TANC2: variants seen among roughly 807,000 people sequenced by gnomAD.
TANC2 encodes protein TANC2.
TANC2 carries 26 observed loss-of-function variants against 210.5 expected under a neutral mutation model. The observed-to-expected ratio is 0.12, with a 90% CI of 0.09 to 0.17. TANC2 has a LOEUF of 0.17. Ranked by LOEUF, TANC2 falls within the 10% of genes least tolerant of loss-of-function variation. TANC2 has a pLI of 1.00. For missense variants in TANC2, 2,129 were observed against 2,608.9 expected (o/e 0.82, Z 4.01); for synonymous variants, 931 against 967.1 (o/e 0.96, Z 0.69).
chr17:63,310,278 C>G (rs987222445), intron 9 of TANC2, among the ~76,000 whole-genome samples: 1 of 152,088 alleles, frequency 6.6e-6, no homozygotes, highest in African/African-American at 2.4e-5. Context: ...GAAACCCTAT[C>G]TCTACTAAAA....
intron 4 of TANC2, among the ~76,000 whole-genome samples, chr17:63,108,957 T>C (rs1051133296): frequency 6.6e-6 from 1 of 151,546 alleles, no homozygotes; most frequent in African/African-American, 2.4e-5. Flanking sequence ...GAAATTTCTT[T>C]TCTACTTCTA....
chr17:63,282,482 A>G (rs1746286467), intron 9 of TANC2, among the ~76,000 whole-genome samples: 1 of 152,130 alleles, frequency 6.6e-6, no homozygotes, highest in African/African-American at 2.4e-5. Context: ...TGAACCTGCT[A>G]TCAGAAACCA....
At chr17:63,246,250 T>TTG (rs1158826828) in intron 8 of TANC2, among the ~76,000 whole-genome samples, 13 of 151,398 alleles carry the variant, frequency 8.6e-5, no homozygotes, top group South Asian at 4.2e-4. Flanking sequence ...GAACTTTTTT[T>TTG]TTTGTTTTTT....
chr17:63,159,701 A>G (rs1424374187), intron 5 of TANC2, among the ~76,000 whole-genome samples: 1 of 152,238 alleles, frequency 6.6e-6, no homozygotes, highest in Admixed American at 6.5e-5. Context: ...GATTTGAAAT[A>G]TACGGGAGGA....
At chr17:63,298,834 T>C (rs890434903) in intron 9 of TANC2, among the ~76,000 whole-genome samples, 3 of 152,196 alleles carry the variant, frequency 2.0e-5, no homozygotes, top group Non-Finnish European at 2.9e-5. Flanking sequence ...ACATGTGCCA[T>C]GGTGGTTTGC....
exon 28 of TANC2, chr17:63,424,577 T>C (rs780302168): frequency 3.3e-5 from 5 of 152,200 alleles, no homozygotes; most frequent in Non-Finnish European, 5.9e-5. Flanking sequence ...ACTCAATTCA[T>C]ACCACCCTGA....
intron 5 of TANC2, among the ~76,000 whole-genome samples, chr17:63,179,011 C>A (rs1243130207): frequency 6.6e-6 from 1 of 151,744 alleles, no homozygotes; most frequent in African/African-American, 2.4e-5. Flanking sequence ...GAATTGGCAT[C>A]ATCAAGAAAA....
At chr17:63,156,160 C>A (rs541594530) in intron 5 of TANC2, among the ~76,000 whole-genome samples, 1 of 152,054 alleles carries the variant, frequency 6.6e-6, no homozygotes, top group African/African-American at 2.4e-5. Flanking sequence ...GTACCAAGAG[C>A]CTTTTCCTCC....
At chr17:63,156,217 A>G (rs138217538) in intron 5 of TANC2, among the ~76,000 whole-genome samples, 1,529 of 152,222 alleles carry the variant, frequency 0.01, 14 homozygotes, top group Middle Eastern at 0.024. Flanking sequence ...GCTTTATTGT[A>G]AATACAATAA....
chr17:63,185,144 A>G (rs961320123), intron 5 of TANC2, among the ~76,000 whole-genome samples: 3 of 151,906 alleles, frequency 2.0e-5, no homozygotes, highest in African/African-American at 4.8e-5. Flanking sequence ...ACAGGCGTGC[A>G]CTACCAGGCC....
At chr17:63,302,599 C>CTTTTTTTT (rs568226580) in intron 9 of TANC2, among the ~76,000 whole-genome samples, 3 of 22,768 alleles carry the variant, frequency 1.3e-4, no homozygotes, top group South Asian at 1.5e-3. Flanking sequence ...GCAACCCCTG[C>CTTTTTTTT]TTTTTTTTTT....
chr17:63,326,961 A>C (rs570580852), intron 11 of TANC2, among the ~76,000 whole-genome samples: 3 of 152,332 alleles, frequency 2.0e-5, no homozygotes, highest in Non-Finnish European at 4.4e-5. Context: ...AAGGGGAGAA[A>C]ATCTTTGAAA....
chr17:63,284,201 T>G (rs2044150727), intron 9 of TANC2, among the ~76,000 whole-genome samples: 1 of 152,018 alleles, frequency 6.6e-6, no homozygotes, highest in South Asian at 2.1e-4. Context: ...TTCCTCAACA[T>G]CAATAGAAGT....
At chr17:63,153,119 A>T (rs1343819930) in intron 5 of TANC2, 2 of 152,198 alleles carry the variant, frequency 1.3e-5, no homozygotes, top group East Asian at 3.8e-4. Flanking sequence ...TAAGAATGGT[A>T]ACCTGAGGGT....
chr17:63,376,441 G>A (rs886305796), intron 14 of TANC2, among the ~76,000 whole-genome samples: 13 of 152,100 alleles, frequency 8.5e-5, no homozygotes, highest in African/African-American at 3.1e-4. Flanking sequence ...TCCTCTGCTG[G>A]CACTCATTAT....
At position 63,319,094 on chromosome 17, in the gene TANC2, C is replaced by T. The variant is rs976070867; in HGVS notation, c.1575+4C>T. 1 of 1,609,808 alleles carries T rather than the reference C, an allele frequency of 6.2e-7. No homozygotes were observed. The highest frequency in any genetic ancestry group is 1.3e-5 in the African/African-American group (1 of 74,834). On this transcript the variant is annotated splice_donor_region_variant and intron_variant, in intron 11 of 27. Coordinates refer to ENST00000689528, the Ensembl canonical transcript of TANC2. The stretch of plus-strand genomic sequence containing the variant: ...TATGCGAAGACTAGCCTCGCAGGTA[C>T]AATATGATTCCCACGTTGGGGATAT...
At position 63,403,163 on chromosome 17, in the gene TANC2, G is replaced by C. The variant is rs563259055; in HGVS notation, c.3332-1959G>C. On this transcript the variant is annotated intron_variant, in intron 19 of 27. Coordinates refer to ENST00000689528, the Ensembl canonical transcript of TANC2. The stretch of plus-strand genomic sequence containing the variant: ...AGTATGGCTTTCCAGATGGTCACTG[G>C]TTGTGAATATTCAGATGTGTTCTGT... Among the ~76,000 whole-genome samples the C allele has an allele frequency of 2.0e-5, 3 of 152,334 alleles. No homozygotes were observed. The South Asian group carries it at 6.2e-4, about 32-fold the overall frequency.
intron 1 of TANC2, among the ~76,000 whole-genome samples, chr17:62,994,373 G>A (rs2033011450): frequency 6.8e-6 from 1 of 146,388 alleles, no homozygotes; most frequent in African/African-American, 2.5e-5. Context: ...TGTATTTTTA[G>A]TAGAGATGGG....
chr17:63,217,540 A>G (rs543001542), intron 7 of TANC2, among the ~76,000 whole-genome samples: 2 of 152,374 alleles, frequency 1.3e-5, no homozygotes, highest in East Asian at 1.9e-4. Context: ...TAAATAAACT[A>G]TCAGAGCTTA....
Sources: allele counts gnomAD v4.1 joint callset (sites outside exome capture counted in the v4.1 genomes callset), GRCh38; gene constraint gnomAD v4.1.1; transcripts MANE v1.5; gene names NCBI Gene and HGNC (gene_info 2026-07-23, HGNC 2026-07-21).